Variants in SHISA6 observed in about 807,000 individuals in gnomAD.
SHISA6 encodes shisa family member 6, also known as protein shisa-6.
A neutral mutation model predicts 47.9 loss-of-function variants in SHISA6; 22 were observed. The ratio of observed to expected loss-of-function variants is 0.46; its 90% confidence interval spans 0.33 to 0.66. The LOEUF (loss-of-function observed/expected upper bound fraction) is 0.66. SHISA6 is among the 30% of genes least tolerant of loss of function. The probability of loss-of-function intolerance (pLI) is 0.02; values close to 1 mark genes in which losing one functional copy is unlikely to be tolerated. For missense variants in SHISA6, 680 were observed against 764.6 expected, an observed-to-expected ratio of 0.89 and a Z score of 1.30; for synonymous variants, 388 against 337.8, an observed-to-expected ratio of 1.15 and a Z score of -1.63.
In SHISA6 at chr17:11,379,438, G is replaced by C. The variant is rs777662185; in HGVS notation, c.824G>C (p.Arg275Pro). The change falls in exon 3 of 6, where the codon CGA becomes CCA. Residue 275 changes from arginine to proline, a missense_variant. Around this residue, in one of 2 missense-constraint regions of SHISA6, gnomAD observed 559 missense variants for 674.1 expected, o/e 0.83. Coordinates refer to ENST00000441885, the MANE Select transcript of SHISA6 (RefSeq NM_207386.4). ...TPGHYGKDAY[R>P]SGGPDLHNFI... is the part of the protein sequence containing the mutation. ...GGGCATTATGGGAAGGATGCTTACC[G>C]AAGTGGAGGACCTGATCTCCATAAC... The C allele has an allele frequency of 1.9e-6, 3 of 1,540,196 alleles. No homozygotes were observed. Among genetic ancestry groups the C allele is most frequent in the Non-Finnish European group, 1.8e-6 (2 of 1,142,206 alleles).
In SHISA6 at chr17:11,405,152, AACTTCAATAAG is replaced by A. The variant is rs1402144496; in HGVS notation, c.895+25644_895+25654del. Among the ~76,000 whole-genome samples, 3 of 152,234 alleles carry A rather than the reference AACTTCAATAAG, an allele frequency of 2.0e-5. No individual in the cohort carries two copies. The East Asian group carries it at 5.8e-4, about 29-fold the overall frequency. On this transcript the variant is annotated intron_variant, in intron 3 of 5. Coordinates refer to ENST00000441885, the MANE Select transcript of SHISA6 (RefSeq NM_207386.4). ...ATAATCTATAGAAGTAAGGCTATGTAACTTCAATAAGCTTCCAAGATAATCCTGATACACAA... is the reference window on the plus strand; with the variant it reads ...ATAATCTATAGAAGTAAGGCTATGTACTTCCAAGATAATCCTGATACACAA...
intron 2 of SHISA6, among the ~76,000 whole-genome samples, chr17:11,337,233 G>A (rs756612323): frequency 8.5e-5 from 13 of 152,160 alleles, no homozygotes; most frequent in Non-Finnish European, 1.9e-4. Context: ...AACGCAAATG[G>A]TTGGGAGGAA....
At chr17:11,465,732 G>C (rs1410499912) in intron 3 of SHISA6, among the ~76,000 whole-genome samples, 1 of 152,174 alleles carries the variant, frequency 6.6e-6, no homozygotes, top group Non-Finnish European at 1.5e-5. Flanking sequence ...AGCAGTGGGG[G>C]TGATGCTGCT....
chr17:11,488,817 A>G (rs1051370153), intron 3 of SHISA6, among the ~76,000 whole-genome samples: 2 of 152,202 alleles, frequency 1.3e-5, no homozygotes, highest in African/African-American at 2.4e-5. Flanking sequence ...TGTTGCTGCA[A>G]CCTAGAGGAT....
chr17:11,275,509 C>T lies in SHISA6; in HGVS notation c.799+11983C>T, dbSNP rs564228141. On this transcript the variant is annotated intron_variant, in intron 2 of 5. Coordinates refer to ENST00000441885, the MANE Select transcript of SHISA6 (RefSeq NM_207386.4). ...AGCAATACAGTGAACAAAACAAAGT[C>T]CCTAGTCTCATGGTGTTTACATTCA... is the stretch of plus-strand genomic sequence containing the variant. Among the ~76,000 whole-genome samples, 17 of 152,260 alleles carry T rather than the reference C, an allele frequency of 1.1e-4. No individual in the cohort carries two copies. The South Asian group carries it at 3.1e-3, about 28-fold the overall frequency.
At chr17:11,455,861 C>A (rs1915520932) in intron 3 of SHISA6, among the ~76,000 whole-genome samples, 1 of 152,146 alleles carries the variant, frequency 6.6e-6, no homozygotes, top group Non-Finnish European at 1.5e-5. Flanking sequence ...TACCTTTGCA[C>A]TCAAAGCAAT....
chr17:11,391,961 C>G (rs1913399855), intron 3 of SHISA6, among the ~76,000 whole-genome samples: 1 of 152,124 alleles, frequency 6.6e-6, no homozygotes. Context: ...TAATAAGACC[C>G]TCCCAATATG....
intron 3 of SHISA6, among the ~76,000 whole-genome samples, chr17:11,530,278 C>T (rs1220850647): frequency 6.6e-6 from 1 of 152,134 alleles, no homozygotes; most frequent in Admixed American, 6.5e-5. Context: ...CACACACACA[C>T]ACACAAGTTA....
chr17:11,495,012 C>T (rs928554022), intron 3 of SHISA6, among the ~76,000 whole-genome samples: 27 of 152,270 alleles, frequency 1.8e-4, no homozygotes, highest in African/African-American at 4.8e-4. Flanking sequence ...AGGCTACATC[C>T]GCCCAGTCAT....
intron 3 of SHISA6, among the ~76,000 whole-genome samples, chr17:11,484,201 A>C (rs976721055): frequency 2.6e-5 from 4 of 152,246 alleles, no homozygotes; most frequent in African/African-American, 9.6e-5. Flanking sequence ...AGGAGAGCAT[A>C]ATTGATCATC....
chr17:11,258,266 A>G (rs142025402), intron 1 of SHISA6, among the ~76,000 whole-genome samples: 2 of 152,234 alleles, frequency 1.3e-5, no homozygotes, highest in South Asian at 2.1e-4. Flanking sequence ...CTTACTGAAT[A>G]ATAGCTGAGC....
intron 3 of SHISA6, among the ~76,000 whole-genome samples, chr17:11,436,846 G>T (rs541653874): frequency 7.9e-5 from 12 of 152,324 alleles, no homozygotes; most frequent in African/African-American, 2.6e-4. Flanking sequence ...CTTTAACTCA[G>T]TGATACCCTT....
At chr17:11,420,561 G>A (rs1327967056) in intron 3 of SHISA6, among the ~76,000 whole-genome samples, 1 of 152,172 alleles carries the variant, frequency 6.6e-6, no homozygotes, top group Non-Finnish European at 1.5e-5. Context: ...AGCCTCCGCA[G>A]CAATAATGAA....
At chr17:11,312,505 G>T (rs975663410) in intron 2 of SHISA6, among the ~76,000 whole-genome samples, 2 of 152,016 alleles carry the variant, frequency 1.3e-5, no homozygotes, top group Non-Finnish European at 2.9e-5. Context: ...AAATGAATAG[G>T]CTAAAAAGCA....
At chr17:11,327,880 T>TA (rs1910956227) in intron 2 of SHISA6, among the ~76,000 whole-genome samples, 2 of 152,044 alleles carry the variant, frequency 1.3e-5, no homozygotes, top group Admixed American at 6.6e-5. Context: ...CAATTTAAGT[T>TA]AAAGTTTCCC....
In SHISA6 at chr17:11,397,395, CTGTGTGTGTG is replaced by C. The variant is rs3034221; in HGVS notation, c.895+17912_895+17921del. ...TAAATGTCTACTCTCTTACCTGCCT[CTGTGTGTGTG>C]TGTGTGTGTGTGTGTGTGTGTGTGT... On this transcript the variant is annotated intron_variant, in intron 3 of 5. Coordinates refer to ENST00000441885, the MANE Select transcript of SHISA6 (RefSeq NM_207386.4). Among the ~76,000 whole-genome samples the C allele has an allele frequency of 1.5e-4, 21 of 140,428 alleles. 1 individual carries two copies. Among genetic ancestry groups the C allele is most frequent in the East Asian group, 4.2e-4 (2 of 4,810 alleles). The allele number at this position is 140,428 out of a possible 152,430, so 92.1% of individuals were successfully genotyped here.
chr17:11,529,336 C>G (rs2071713713), intron 3 of SHISA6, among the ~76,000 whole-genome samples: 1 of 152,130 alleles, frequency 6.6e-6, no homozygotes, highest in African/African-American at 2.4e-5. Flanking sequence ...AGCCTAGATG[C>G]TCAGCCAACA....
chr17:11,338,309 G>A lies in SHISA6; in HGVS notation c.800-41105G>A, dbSNP rs138442526. Among the ~76,000 whole-genome samples, 15 of 152,284 alleles carry A rather than the reference G, an allele frequency of 9.9e-5. No individual in the cohort carries two copies. In the East Asian group the frequency reaches 1.9e-3, roughly 20 times the overall value. On this transcript the variant is annotated intron_variant, in intron 2 of 5. Coordinates refer to ENST00000441885, the MANE Select transcript of SHISA6 (RefSeq NM_207386.4). ...GCCCCAAAGTGATAGTCCAAGGAGC[G>A]ACTACTAGTGAAAGCCACCTAGAAT...
intron 3 of SHISA6, among the ~76,000 whole-genome samples, chr17:11,427,086 T>C (rs1026547409): frequency 6.6e-6 from 1 of 152,176 alleles, no homozygotes; most frequent in Non-Finnish European, 1.5e-5. Flanking sequence ...CTCTGGTGCC[T>C]TTCGGTCAGA....
Sources: gnomAD v4.1 joint callset for allele counts (sites outside exome capture counted in the v4.1 genomes callset) on GRCh38, gnomAD v4.1.1 for gene constraint, gnomAD v4.1.1 regional missense constraint, MANE v1.5 for transcripts, NCBI Gene and HGNC (gene_info 2026-07-23, HGNC 2026-07-21) for gene names.